Variants in LPXN observed in about 807,000 individuals in gnomAD.
The protein encoded by LPXN is leupaxin.
A neutral mutation model predicts 45.6 loss-of-function variants in LPXN; 28 were observed. The ratio of observed to expected loss-of-function variants is 0.61; its 90% CI spans 0.45 to 0.84. LPXN has a LOEUF of 0.84. Ranked by LOEUF, LPXN falls within the 40% of genes least tolerant of loss-of-function variation. The pLI is 0.00. For missense variants in LPXN, 459 were observed against 475.0 expected, an observed-to-expected ratio of 0.97 and a Z score of 0.31; for synonymous variants, 166 against 169.9, an observed-to-expected ratio of 0.98 and a Z score of 0.18.
intron 7 of LPXN, among the ~76,000 whole-genome samples, chr11:58,537,962 T>C (rs1333648888): frequency 3.2e-5 from 4 of 125,386 alleles, no homozygotes; most frequent in African/African-American, 9.2e-5. Flanking sequence ...GTGATGTTCC[T>C]CTTCCTGTGT....
upstream of LPXN, chr11:58,575,867 G>A: frequency 6.2e-7 from 1 of 1,611,990 alleles, no homozygotes; most frequent in Non-Finnish European, 8.5e-7. Flanking sequence ...GGATGAGACA[G>A]CATAAGGCAG....
intron 3 of LPXN, among the ~76,000 whole-genome samples, chr11:58,557,788 TACTA>T (rs1188285589): frequency 3.3e-5 from 5 of 152,238 alleles, no homozygotes; most frequent in Non-Finnish European, 5.9e-5. Flanking sequence ...GTAACCATTT[TACTA>T]ACTATTCATA....
chr11:58,550,940 C>T (rs2120334665), intron 5 of LPXN, 125 bp downstream of exon 5: 2 of 872,910 alleles, frequency 2.3e-6, no homozygotes, highest in South Asian at 4.9e-5. Flanking sequence ...GGCCAGAGCA[C>T]TGTAAGTGAT....
intron 7 of LPXN, among the ~76,000 whole-genome samples, chr11:58,547,380 G>A (rs1853907095): frequency 6.6e-6 from 1 of 152,186 alleles, no homozygotes. Flanking sequence ...CACGTAAAGG[G>A]CAATCAAGAG....
chr11:58,549,786 C>T lies in LPXN; in HGVS notation c.742G>A (p.Gly248Ser). The change falls in exon 7 of 9, where the codon GGC (glycine) becomes AGC (serine). Residue 248 changes from glycine to serine, a missense_variant and splice_region_variant. Coordinates refer to ENST00000395074, the MANE Select transcript of LPXN (RefSeq NM_004811.3). ...SHCGEVFGAE[G>S]FHEKDKKPYC... Reference sequence around the variant, plus strand: ...TACAGCCTCTCAAGTCGGGTCATACCTTCTGCACCAAACACCTCTCCGCAG... The same window carrying T: ...TACAGCCTCTCAAGTCGGGTCATACTTTCTGCACCAAACACCTCTCCGCAG... 1 of 1,614,062 alleles carries T rather than the reference C, an allele frequency of 6.2e-7. No homozygotes were observed. Among genetic ancestry groups the T allele is most frequent in the Non-Finnish European group, 8.5e-7 (1 of 1,179,980 alleles).
intron 7 of LPXN, among the ~76,000 whole-genome samples, chr11:58,537,871 A>G (rs1019800764): frequency 4.7e-5 from 7 of 149,120 alleles, no homozygotes; most frequent in African/African-American, 1.7e-4. Flanking sequence ...TGCTGCACCC[A>G]TTAACTCGTC....
chr11:58,564,092 A>C lies in LPXN; in HGVS notation c.218+63T>G, dbSNP rs565058725. ...TGCAAAGCAAATTATCACCCAAACA[A>C]AGATTGATAACAATTATCTACTAAC... is the stretch of plus-strand genomic sequence containing the variant. On this transcript the variant is annotated intron_variant, in intron 3 of 8. Transcript: ENST00000395074. 5.9e-6 allele frequency: 6 copies of C among 1,021,178 alleles called. No individual in the cohort carries two copies. In the African/African-American group the frequency reaches 6.6e-5, roughly 11 times the overall value. The allele number at this position is 1,021,178 out of a possible 1,614,324, so 63.3% of individuals were successfully genotyped here.
Position 58,548,707 on chromosome 11 carries a change from A to G in LPXN, c.742+1079T>C, listed in dbSNP as rs192751562. 1.2e-3 allele frequency among the ~76,000 whole-genome samples: 185 copies of G among 152,320 alleles called. 1 individual carries two copies. The highest frequency in any genetic ancestry group is 2.3e-3 in the Non-Finnish European group (156 of 68,026). Reference sequence around the variant, plus strand: ...ACGCTTGTATTGTCTCTAAATCCTCATAACAACCCTATAAGGTAGGCAATT... The same window carrying G: ...ACGCTTGTATTGTCTCTAAATCCTCGTAACAACCCTATAAGGTAGGCAATT... On this transcript the variant is annotated intron_variant, in intron 7 of 8. Coordinates refer to ENST00000395074, the MANE Select transcript of LPXN (RefSeq NM_004811.3).
At chr11:58,534,643 G>A (rs1200237163) in intron 7 of LPXN, among the ~76,000 whole-genome samples, 1 of 152,130 alleles carries the variant, frequency 6.6e-6, no homozygotes, top group African/African-American at 2.4e-5. Context: ...AAATTAAAAA[G>A]CTATCAGGAG....
In LPXN at chr11:58,528,006, C is replaced by A. The variant is rs759367278; in HGVS notation, c.891+37G>T. 68 of 1,596,184 alleles carry A rather than the reference C, an allele frequency of 4.3e-5. No homozygotes were observed. In the Admixed American group the frequency reaches 1.2e-3, roughly 27 times the overall value. ...TCCTCTCAGAGAGGAGAACCCTTGACTTTCCCTAAGTCCGAAAGAAAAGTG... is the reference window on the plus strand; with the variant it reads ...TCCTCTCAGAGAGGAGAACCCTTGAATTTCCCTAAGTCCGAAAGAAAAGTG... On this transcript the variant is annotated intron_variant, in intron 8 of 8. Coordinates refer to ENST00000395074, the MANE Select transcript of LPXN (RefSeq NM_004811.3).
In LPXN at chr11:58,554,915, G is replaced by T; in HGVS notation, c.244C>A (p.Pro82Thr). 6.2e-7 allele frequency: 1 copy of T among 1,614,010 alleles called. No homozygotes were observed. Among genetic ancestry groups the T allele is most frequent in the South Asian group, 1.1e-5 (1 of 91,068 alleles). ...YSEAQEPKES[P>T]PPSKTSAAAQ... ...GCTGCTGACGTTTTAGAAGGTGGTG[G>T]TGATTCCTTTGGCTCTTGGGCTTCA... Residue 82 changes from proline (P) to threonine (T), a missense_variant, in exon 4 of 9, where the codon CCA becomes ACA. By Grantham distance (38) the Pro-to-Thr change is conservative. Coordinates refer to ENST00000395074, the MANE Select transcript of LPXN (RefSeq NM_004811.3).
intron 3 of LPXN, among the ~76,000 whole-genome samples, chr11:58,557,380 C>T (rs967279315): frequency 1.3e-4 from 20 of 151,934 alleles, no homozygotes; most frequent in African/African-American, 4.8e-4. Flanking sequence ...ATTAGTGAGC[C>T]TTAAAAAAAG....
At chr11:58,573,619 G>A (rs562002551) in intron 1 of LPXN, among the ~76,000 whole-genome samples, 3 of 152,246 alleles carry the variant, frequency 2.0e-5, no homozygotes, top group South Asian at 2.1e-4. Flanking sequence ...TGTTTCATAT[G>A]AGTGTGCATA....
At chr11:58,570,166 G>A (rs1854642871) in intron 2 of LPXN, among the ~76,000 whole-genome samples, 1 of 152,058 alleles carries the variant, frequency 6.6e-6, no homozygotes, top group South Asian at 2.1e-4. Context: ...AGCTGGGCAT[G>A]GTGGTGCGTG....
At chr11:58,557,885 ATAT>A (rs1301669763) in intron 3 of LPXN, among the ~76,000 whole-genome samples, 2 of 152,208 alleles carry the variant, frequency 1.3e-5, no homozygotes, top group East Asian at 3.8e-4. Context: ...ATGAAGATAA[ATAT>A]TATGTCAGTT....
At chr11:58,554,802 C>A in intron 4 of LPXN, 39 bp downstream of exon 4, 1 of 1,520,870 alleles carries the variant, frequency 6.6e-7, no homozygotes, top group Non-Finnish European at 9.1e-7. Context: ...ATCTGGACTG[C>A]ACTCACCTTG....
At chr11:58,578,222 CG>C (rs1854969063), upstream of LPXN, 9 of 757,750 alleles carry the variant, frequency 1.2e-5, no homozygotes, top group Admixed American at 3.3e-5. Context: ...CCCGGATGTA[CG>C]GCACGCGTCG....
chr11:58,574,451 CA>C (rs1443550536), intron 1 of LPXN, among the ~76,000 whole-genome samples: 2 of 152,130 alleles, frequency 1.3e-5, no homozygotes, highest in African/African-American at 4.8e-5. Context: ...AGGGTTGCTG[CA>C]GACACTAAAA....
chr11:58,546,691 G>T (rs80116113), intron 7 of LPXN, among the ~76,000 whole-genome samples: 1 of 152,176 alleles, frequency 6.6e-6, no homozygotes, highest in East Asian at 1.9e-4. Flanking sequence ...CATGGAGTTT[G>T]CAATTAGCAT....
Sources: allele counts gnomAD v4.1 joint callset (sites outside exome capture counted in the v4.1 genomes callset), GRCh38; gene constraint gnomAD v4.1.1; transcripts MANE v1.5; gene names NCBI Gene and HGNC (gene_info 2026-07-23, HGNC 2026-07-21).